FCHSD2: variants seen among roughly 807,000 people sequenced by gnomAD.
The protein encoded by FCHSD2 is FCH and double SH3 domains 2, also known as F-BAR and double SH3 domains protein 2.
Under a neutral mutation model 108.1 loss-of-function variants are expected in FCHSD2, and 38 were observed. The ratio of observed to expected loss-of-function variants is 0.35; its 90% CI spans 0.27 to 0.46. The LOEUF (loss-of-function observed/expected upper bound fraction) is 0.46, where lower values mean the gene tolerates loss of function less well. FCHSD2 is among the 20% of genes least tolerant of loss of function. The pLI, the probability that FCHSD2 is intolerant of heterozygous loss-of-function variation, is 1.00. For missense variants in FCHSD2, 751 were observed against 897.8 expected, an observed-to-expected ratio of 0.84 and a Z score of 2.09; for synonymous variants, 279 against 314.7, an observed-to-expected ratio of 0.89 and a Z score of 1.20.
At chr11:73,084,557 A>G (rs78338303) in intron 2 of FCHSD2, among the ~76,000 whole-genome samples, 3,670 of 152,176 alleles carry the variant, frequency 0.024, 151 homozygotes, top group African/African-American at 0.082. Flanking sequence ...CATCTGGTTA[A>G]TTTTTAAATA....
At chr11:73,006,567 C>T (rs1190430227) in intron 4 of FCHSD2, among the ~76,000 whole-genome samples, 1 of 152,220 alleles carries the variant, frequency 6.6e-6, no homozygotes, top group African/African-American at 2.4e-5. Context: ...TCACCTTATG[C>T]CTAGATTACT....
At chr11:72,868,152 G>A in intron 12 of FCHSD2, 126 bp from the exon 13 acceptor site, 1 of 791,574 alleles carries the variant, frequency 1.3e-6, no homozygotes, top group Admixed American at 2.8e-5. Context: ...TATACACCAT[G>A]GAATACTATG....
At chr11:73,054,754 C>T (rs559958964) in intron 3 of FCHSD2, among the ~76,000 whole-genome samples, 2 of 152,090 alleles carry the variant, frequency 1.3e-5, no homozygotes, top group African/African-American at 4.8e-5. Flanking sequence ...TGGCTCACTG[C>T]AGCCTTGACC....
intron 4 of FCHSD2, among the ~76,000 whole-genome samples, chr11:73,011,643 T>A (rs543479941): frequency 5.3e-5 from 8 of 152,100 alleles, no homozygotes; most frequent in African/African-American, 1.9e-4. Context: ...CTTGGTGTAG[T>A]GCCATCACAC....
chr11:73,107,583 C>G lies in FCHSD2; in HGVS notation c.120-23843G>C, dbSNP rs567259543. On this transcript the variant is annotated intron_variant, in intron 2 of 19. Transcript: ENST00000409418. ...ACCCATTAACCATCCTCACTTCCCA[C>G]AAACACACACCCTCACTACCCTTCC... 2.0e-5 allele frequency among the ~76,000 whole-genome samples: 3 copies of G among 152,326 alleles called. No individual in the cohort carries two copies. In the Middle Eastern group the frequency reaches 0.01, roughly 518 times the overall value.
Position 72,887,712 on chromosome 11 carries a change from AT to A in FCHSD2, c.1042-139del, listed in dbSNP as rs1855227834. On this transcript the variant is annotated intron_variant, in intron 11 of 19. Transcript: ENST00000409418. Reference sequence around the variant, plus strand: ...TTTTTCATTTATTTATTTTTTGAACATTTTGAAATAATTATAGACTTACTAG... The same window carrying A: ...TTTTTCATTTATTTATTTTTTGAACATTTGAAATAATTATAGACTTACTAG... 10 of 553,060 alleles carry A rather than the reference AT, an allele frequency of 1.8e-5. No homozygotes were observed. In the East Asian group the frequency reaches 3.6e-4, roughly 20 times the overall value. 34.3% of individuals were successfully genotyped at this position (553,060 alleles called of 1,614,324 possible).
chr11:73,007,577 G>C (rs1857768133), intron 4 of FCHSD2, among the ~76,000 whole-genome samples: 1 of 151,936 alleles, frequency 6.6e-6, no homozygotes, highest in East Asian at 1.9e-4. Flanking sequence ...CTCCAGCTTG[G>C]GTGCAAAAGT....
intron 8 of FCHSD2, among the ~76,000 whole-genome samples, chr11:72,948,990 T>C (rs1212594336): frequency 2.6e-5 from 4 of 152,150 alleles, no homozygotes; most frequent in Non-Finnish European, 5.9e-5. Context: ...TGATTACTGG[T>C]GGGATGCTAG....
In FCHSD2 at chr11:73,114,359, C is replaced by G. The variant is rs376729911; in HGVS notation, c.119+25672G>C. Among the ~76,000 whole-genome samples, 15 of 150,796 alleles carry G rather than the reference C, an allele frequency of 9.9e-5. 2 individuals carry two copies. Among genetic ancestry groups the G allele is most frequent in the African/African-American group, 3.7e-4 (15 of 41,034 alleles). Reference sequence around the variant, plus strand: ...GCTCCCATCTGGCCCAGGGCAGGTCCAGAAACGCTGTCCAAGGGCCAAATC... The same window carrying G: ...GCTCCCATCTGGCCCAGGGCAGGTCGAGAAACGCTGTCCAAGGGCCAAATC... On this transcript the variant is annotated intron_variant, in intron 2 of 19. Transcript: ENST00000409418.
intron 6 of FCHSD2, 21 bp downstream of exon 6, chr11:72,988,943 C>T (rs1253108774): frequency 1.3e-6 from 2 of 1,586,174 alleles, no homozygotes; most frequent in East Asian, 2.2e-5. Context: ...ATAATTTTCT[C>T]AGAAATGTTA....
chr11:73,029,517 G>C (rs1371058493), intron 3 of FCHSD2, among the ~76,000 whole-genome samples: 1 of 152,124 alleles, frequency 6.6e-6, no homozygotes, highest in Admixed American at 6.5e-5. Context: ...TATGTTCCTG[G>C]AACAACTCCT....
intron 6 of FCHSD2, 121 bp downstream of exon 6, chr11:72,988,843 G>A (rs565799572): frequency 1.4e-6 from 1 of 722,098 alleles, no homozygotes; most frequent in Admixed American, 3.2e-5. Flanking sequence ...ACACATGTAG[G>A]TCAAATGAAA....
chr11:72,966,903 T>G (rs886628178), intron 8 of FCHSD2, among the ~76,000 whole-genome samples: 3 of 152,090 alleles, frequency 2.0e-5, no homozygotes, highest in East Asian at 3.9e-4. Context: ...ACCCTGATTA[T>G]GAGTTAAGAA....
chr11:72,980,302 A>C (rs1767439282), intron 8 of FCHSD2, among the ~76,000 whole-genome samples: 1 of 152,194 alleles, frequency 6.6e-6, no homozygotes, highest in Admixed American at 6.5e-5. Context: ...AAACTGCTGC[A>C]CTGGTTTCTC....
Position 72,858,716 on chromosome 11 carries a change from C to T in FCHSD2, c.1309-8827G>A, listed in dbSNP as rs1363720964. On this transcript the variant is annotated intron_variant, in intron 13 of 19. Coordinates refer to ENST00000409418, the MANE Select transcript of FCHSD2 (RefSeq NM_014824.3). ...AATAATCTGTACAACCCCCCCATGA[C>T]ACAAGTTTACCTATGTAACAAACCT... is the stretch of plus-strand genomic sequence containing the variant. Among the ~76,000 whole-genome samples the T allele has an allele frequency of 2.0e-5, 3 of 152,126 alleles. 1 individual carries two copies. Among genetic ancestry groups the T allele is most frequent in the African/African-American group, 7.2e-5 (3 of 41,418 alleles).
intron 8 of FCHSD2, among the ~76,000 whole-genome samples, chr11:72,927,598 A>AC (rs1465058798): frequency 6.6e-6 from 1 of 152,200 alleles, no homozygotes; most frequent in Non-Finnish European, 1.5e-5. Context: ...GTTGGGCCCC[A>AC]CCCAGAGTCT....
intron 9 of FCHSD2, among the ~76,000 whole-genome samples, chr11:72,921,537 G>C (rs1014639367): frequency 6.6e-6 from 1 of 152,202 alleles, no homozygotes; most frequent in Non-Finnish European, 1.5e-5. Flanking sequence ...TAAACTCTGA[G>C]TAGAATACAA....
chr11:72,998,356 A>G (rs929576308), intron 5 of FCHSD2, among the ~76,000 whole-genome samples: 4 of 152,158 alleles, frequency 2.6e-5, no homozygotes, highest in Admixed American at 1.3e-4. Flanking sequence ...CCTGGCCAAC[A>G]TGGTGAAACC....
chr11:72,993,700 T>C (rs1161166692), intron 5 of FCHSD2, among the ~76,000 whole-genome samples: 1 of 147,318 alleles, frequency 6.8e-6, no homozygotes, highest in Non-Finnish European at 1.5e-5. Context: ...TAGGTGGGAA[T>C]TGAACAATGA....
Sources: allele counts gnomAD v4.1 joint callset (sites outside exome capture counted in the v4.1 genomes callset), GRCh38; gene constraint gnomAD v4.1.1; transcripts MANE v1.5; gene names NCBI Gene and HGNC (gene_info 2026-07-23, HGNC 2026-07-21).